CIMIP3: variants seen among roughly 807,000 people sequenced by gnomAD.
The protein encoded by CIMIP3 is GUCA1A neighbor.
At chr6:42,162,620 A>C in the CIMIP3 span, among the ~76,000 whole-genome samples, 28 of 142,530 alleles carry the variant, frequency 2.0e-4, no homozygotes, top group African/African-American at 7.5e-4. Flanking sequence ...AGACGATTGG[A>C]TGCAGGGAAG....
the CIMIP3 span, among the ~76,000 whole-genome samples, chr6:42,160,471 C>T: frequency 3.9e-5 from 6 of 152,308 alleles, no homozygotes; most frequent in South Asian, 1.0e-3. Context: ...ATGCATAGAA[C>T]GCAGTCCTGA....
chr6:42,162,816 G>A, the CIMIP3 span: 3 of 551,558 alleles, frequency 5.4e-6, no homozygotes, highest in Non-Finnish European at 9.9e-6. Context: ...GTGGCTCTGG[G>A]GGCTTCTGAG....
the CIMIP3 span, among the ~76,000 whole-genome samples, chr6:42,160,158 A>AT: frequency 1.3e-4 from 12 of 89,948 alleles, no homozygotes; most frequent in Admixed American, 1.1e-3. Flanking sequence ...GCTAATTTTT[A>AT]ATTTTTTTTT....
chr6:42,155,513 G>T, the CIMIP3 span: 1 of 716,974 alleles, frequency 1.4e-6, no homozygotes, highest in Non-Finnish European at 2.6e-6. Context: ...GGCTGGGGAA[G>T]GTCAGCTCGG....
At chr6:42,158,653 A>G in the CIMIP3 span, among the ~76,000 whole-genome samples, 1 of 152,236 alleles carries the variant, frequency 6.6e-6, no homozygotes, top group Non-Finnish European at 1.5e-5. Context: ...GAACTCAGAA[A>G]AATGCTTTGA....
chr6:42,160,450 G>A, the CIMIP3 span, among the ~76,000 whole-genome samples: 8 of 152,210 alleles, frequency 5.3e-5, no homozygotes, highest in Admixed American at 6.5e-5. Context: ...GTAGGCTCTA[G>A]GGAAAAAGAG....
At chr6:42,157,093 T>A in the CIMIP3 span, among the ~76,000 whole-genome samples, 1 of 152,164 alleles carries the variant, frequency 6.6e-6, no homozygotes, top group African/African-American at 2.4e-5. Context: ...AAAGCCCCAC[T>A]CTTGAGTCAT....
At chr6:42,158,231 G>T in the CIMIP3 span, among the ~76,000 whole-genome samples, 1 of 152,252 alleles carries the variant, frequency 6.6e-6, no homozygotes, top group African/African-American at 2.4e-5. Context: ...CTCAGCCAGA[G>T]CTGGCTCTGC....
At chr6:42,162,691 C>T in the CIMIP3 span, among the ~76,000 whole-genome samples, 1 of 152,104 alleles carries the variant, frequency 6.6e-6, no homozygotes, top group Non-Finnish European at 1.5e-5. Context: ...CTGGCAGTTG[C>T]CTCTGGTAGG....
the CIMIP3 span, among the ~76,000 whole-genome samples, chr6:42,160,429 T>C: frequency 0.75 from 113,754 of 152,100 alleles, 42,689 homozygotes; most frequent in African/African-American, 0.8. Flanking sequence ...TGGCTGTGCA[T>C]CAGCACTGGG....
At chr6:42,155,821 A>G in the CIMIP3 span, among the ~76,000 whole-genome samples, 1 of 152,176 alleles carries the variant, frequency 6.6e-6, no homozygotes. Flanking sequence ...TAATAATTGT[A>G]GCTAAAGTTT....
the CIMIP3 span, among the ~76,000 whole-genome samples, chr6:42,161,081 G>A: frequency 2.6e-5 from 4 of 152,144 alleles, no homozygotes; most frequent in Non-Finnish European, 4.4e-5. Context: ...CCACCTACTC[G>A]GGAGGGTGAG....
the CIMIP3 span, among the ~76,000 whole-genome samples, chr6:42,162,490 A>C: frequency 6.6e-6 from 1 of 151,202 alleles, no homozygotes; most frequent in African/African-American, 2.4e-5. Context: ...GGAGACAGGA[A>C]GCCCTGGTGG....
At chr6:42,157,941 G>A in the CIMIP3 span, among the ~76,000 whole-genome samples, 1 of 152,068 alleles carries the variant, frequency 6.6e-6, no homozygotes, top group African/African-American at 2.4e-5. Context: ...TCTTTGTTGC[G>A]GGGGCTGTCC....
At chr6:42,159,964 T>A in the CIMIP3 span, among the ~76,000 whole-genome samples, 94,582 of 151,564 alleles carry the variant, frequency 0.62, 29,746 homozygotes, top group South Asian at 0.7. Flanking sequence ...TTTGGTGCGG[T>A]GCTACAGACT....
chr6:42,160,661 G>C, the CIMIP3 span, among the ~76,000 whole-genome samples: 1 of 152,226 alleles, frequency 6.6e-6, no homozygotes, highest in East Asian at 1.9e-4. Flanking sequence ...TCCTGAGAGG[G>C]GTCCAGAAGG....
chr6:42,160,289 A>C, the CIMIP3 span, among the ~76,000 whole-genome samples: 1 of 152,088 alleles, frequency 6.6e-6, no homozygotes, highest in African/African-American at 2.4e-5. Context: ...GCACCTGGCT[A>C]GAAAACAATC....
the CIMIP3 span, among the ~76,000 whole-genome samples, chr6:42,157,425 T>A: frequency 6.6e-6 from 1 of 152,184 alleles, no homozygotes; most frequent in Admixed American, 6.5e-5. Flanking sequence ...ATGTTTTGTA[T>A]TTTTAGTAGA....
the CIMIP3 span, among the ~76,000 whole-genome samples, chr6:42,156,408 A>G: frequency 2.0e-5 from 3 of 150,150 alleles, no homozygotes; most frequent in Non-Finnish European, 4.4e-5. Flanking sequence ...TCCCACTTCA[A>G]CCTCCCGCTG....
Sources: gnomAD v4.1 joint callset for allele counts (sites outside exome capture counted in the v4.1 genomes callset) on GRCh38, gnomAD v4.1.1 for gene constraint, MANE v1.5 for transcripts, NCBI Gene and HGNC (gene_info 2026-07-23, HGNC 2026-07-21) for gene names.